The following HCRTR2 variants were observed in gnomAD, a reference collection of about 807,000 sequenced individuals.
The protein encoded by HCRTR2 is orexin receptor type 2.
HCRTR2 carries 22 observed loss-of-function variants against 49.0 expected under a neutral mutation model. The ratio of observed to expected loss-of-function variants is 0.45; its 90% confidence interval spans 0.32 to 0.64. HCRTR2 has a LOEUF of 0.64. Ranked by LOEUF, HCRTR2 falls within the 30% of genes least tolerant of loss-of-function variation. The pLI is 0.04. For missense variants in HCRTR2, 491 were observed against 559.4 expected (o/e 0.88, Z 1.23); for synonymous variants, 236 against 205.3 (o/e 1.15, Z -1.28).
At chr6:55,240,919 T>C (rs1581850426) in intron 1 of HCRTR2, 1 of 198,154 alleles carries the variant, frequency 5.0e-6, no homozygotes, top group South Asian at 7.6e-5. Flanking sequence ...TTATATTTAA[T>C]TGAGATGGTG....
intron 1 of HCRTR2, among the ~76,000 whole-genome samples, chr6:55,188,352 G>C (rs1765260605): frequency 1.3e-5 from 2 of 152,158 alleles, no homozygotes; most frequent in African/African-American, 4.8e-5. Flanking sequence ...GCCAGACATA[G>C]ATTTTATCTC....
intron 1 of HCRTR2, among the ~76,000 whole-genome samples, chr6:55,125,582 T>C (rs562360742): frequency 6.6e-6 from 1 of 152,170 alleles, no homozygotes; most frequent in African/African-American, 2.4e-5. Flanking sequence ...AATATGATGA[T>C]TCTGTGTCTT....
intron 1 of HCRTR2, among the ~76,000 whole-genome samples, chr6:55,150,806 G>C (rs1032202682): frequency 4.6e-5 from 7 of 151,976 alleles, no homozygotes; most frequent in African/African-American, 1.7e-4. Flanking sequence ...TGAGAGTGCA[G>C]ATAATCTCTT....
At chr6:55,190,126 A>G (rs1282527931) in intron 1 of HCRTR2, among the ~76,000 whole-genome samples, 1 of 152,248 alleles carries the variant, frequency 6.6e-6, no homozygotes, top group Non-Finnish European at 1.5e-5. Flanking sequence ...AAGGGAATGT[A>G]AATCTCTTAA....
intron 1 of HCRTR2, among the ~76,000 whole-genome samples, chr6:55,195,176 G>T (rs1246412775): frequency 6.6e-6 from 1 of 151,964 alleles, no homozygotes; most frequent in Non-Finnish European, 1.5e-5. Flanking sequence ...AAGATAAAAT[G>T]AAAAATCAAT....
intron 1 of HCRTR2, among the ~76,000 whole-genome samples, chr6:55,231,739 G>A (rs569724383): frequency 1.7e-3 from 262 of 152,272 alleles, no homozygotes; most frequent in African/African-American, 6.1e-3. Flanking sequence ...ACAAACTAAA[G>A]ACTAGCGAAT....
At chr6:55,216,259 A>T (rs1765784335) in intron 1 of HCRTR2, among the ~76,000 whole-genome samples, 1 of 152,170 alleles carries the variant, frequency 6.6e-6, no homozygotes, top group Non-Finnish European at 1.5e-5. Flanking sequence ...AAATATTCAC[A>T]CCATAGCCTT....
At chr6:55,187,934 G>T (rs913731490) in intron 1 of HCRTR2, among the ~76,000 whole-genome samples, 1 of 151,778 alleles carries the variant, frequency 6.6e-6, no homozygotes, top group Admixed American at 6.6e-5. Flanking sequence ...ACGCCACCAT[G>T]CCCGGCTAAT....
intron 1 of HCRTR2, among the ~76,000 whole-genome samples, chr6:55,145,768 C>G (rs1358985512): frequency 6.6e-6 from 1 of 152,070 alleles, no homozygotes; most frequent in African/African-American, 2.4e-5. Flanking sequence ...TCACATGACA[C>G]CATAGCCACA....
rs180818185 is a variant in HCRTR2, at chr6:55,159,847, T to A, written c.-377-14364T>A. 2.0e-5 allele frequency among the ~76,000 whole-genome samples: 3 copies of A among 152,250 alleles called. No homozygotes were observed. The East Asian group carries it at 5.8e-4, about 29-fold the overall frequency. ...GAAATATGGGAATATGTGAAAAGAC[T>A]AAACCTACATTTGATTAGTGTACCT... On this transcript the variant is annotated intron_variant, in intron 1 of 7. Coordinates refer to the HCRTR2 transcript ENST00000615358.
chr6:55,256,038 C>T (rs1037052852), intron 3 of HCRTR2, among the ~76,000 whole-genome samples: 15 of 152,056 alleles, frequency 9.9e-5, no homozygotes, highest in African/African-American at 3.4e-4. Context: ...CTTTATGTTT[C>T]TTTGGTTAGA....
chr6:55,186,243 A>T (rs938859228), intron 1 of HCRTR2, among the ~76,000 whole-genome samples: 1 of 152,216 alleles, frequency 6.6e-6, no homozygotes, highest in African/African-American at 2.4e-5. Flanking sequence ...TAAGACTTCC[A>T]GCAGGAGGAA....
Position 55,250,004 on chromosome 6 carries a change from G to A in HCRTR2, c.402+1187G>A, listed in dbSNP as rs374428322. ...ATAGCCTATTACTAGACATTATGCC[G>A]ATTAGGCTTTTGGAATGAAATGTTG... On this transcript the variant is annotated intron_variant, in intron 2 of 6. Transcript: ENST00000370862. Among the ~76,000 whole-genome samples the A allele has an allele frequency of 1.7e-3, 264 of 152,162 alleles. 2 individuals are homozygous for A. The highest frequency in any genetic ancestry group is 6.0e-3 in the African/African-American group (251 of 41,528).
At chr6:55,200,053 C>G (rs1161039180) in intron 1 of HCRTR2, among the ~76,000 whole-genome samples, 1 of 152,114 alleles carries the variant, frequency 6.6e-6, no homozygotes, top group Admixed American at 6.6e-5. Flanking sequence ...ATATTGCCAT[C>G]CATCAGATAT....
At chr6:55,270,405 A>G (rs1335556650) in intron 4 of HCRTR2, among the ~76,000 whole-genome samples, 2 of 152,204 alleles carry the variant, frequency 1.3e-5, no homozygotes, top group Non-Finnish European at 1.5e-5. Context: ...AGCAACATAT[A>G]GTCCATTTCT....
intron 1 of HCRTR2, among the ~76,000 whole-genome samples, chr6:55,163,437 A>T (rs1018420561): frequency 3.3e-5 from 5 of 152,162 alleles, no homozygotes; most frequent in African/African-American, 1.2e-4. Context: ...TATATAGACC[A>T]ATGGAACAGA....
At chr6:55,249,569 T>C (rs975380623) in intron 2 of HCRTR2, among the ~76,000 whole-genome samples, 2 of 152,260 alleles carry the variant, frequency 1.3e-5, no homozygotes, top group East Asian at 1.9e-4. Flanking sequence ...GATGATCTTA[T>C]AAAAACAGTA....
intron 1 of HCRTR2, among the ~76,000 whole-genome samples, chr6:55,211,531 G>A (rs891181651): frequency 1.3e-5 from 2 of 152,110 alleles, no homozygotes; most frequent in Non-Finnish European, 2.9e-5. Flanking sequence ...ATTTACTTGA[G>A]GGGTTATATG....
At chr6:55,177,153 C>G (rs765725820) in intron 1 of HCRTR2, among the ~76,000 whole-genome samples, 1 of 152,194 alleles carries the variant, frequency 6.6e-6, no homozygotes, top group African/African-American at 2.4e-5. Context: ...GAAGATAGCA[C>G]TGTCCACAGC....
Sources: allele counts gnomAD v4.1 joint callset (sites outside exome capture counted in the v4.1 genomes callset), GRCh38; gene constraint gnomAD v4.1.1; transcripts MANE v1.5; gene names NCBI Gene and HGNC (gene_info 2026-07-23, HGNC 2026-07-21).